Variants in KLB observed in about 807,000 individuals in gnomAD.
KLB encodes the protein beta-klotho.
A neutral mutation model predicts 88.4 loss-of-function variants in KLB; 44 were observed. The ratio of observed to expected loss-of-function variants is 0.50; its 90% CI spans 0.39 to 0.64. The LOEUF (loss-of-function observed/expected upper bound fraction) is 0.64. KLB is among the 30% of genes least tolerant of loss of function. The pLI is 0.00. For synonymous variants in KLB, 548 were observed against 513.4 expected, an observed-to-expected ratio of 1.07 and a Z score of -0.91; for missense variants, 1,137 against 1,304.8, an observed-to-expected ratio of 0.87 and a Z score of 1.98.
chr4:39,445,678 TTTTTTG>T (rs1402192799), intron 3 of KLB, among the ~76,000 whole-genome samples: 3 of 87,854 alleles, frequency 3.4e-5, no homozygotes, highest in African/African-American at 8.8e-5. Flanking sequence ...CTAATCTTGT[TTTTTTG>T]TTTTTTTTTT....
intron 1 of KLB, among the ~76,000 whole-genome samples, chr4:39,426,940 C>T (rs535436867): frequency 6.6e-6 from 1 of 152,268 alleles, no homozygotes; most frequent in South Asian, 2.1e-4. Context: ...CCTCCCACCT[C>T]AGCCTCCCAA....
At chr4:39,419,773 C>CAAAAA (rs35079093) in intron 1 of KLB, among the ~76,000 whole-genome samples, 1 of 71,274 alleles carries the variant, frequency 1.4e-5, no homozygotes, top group Non-Finnish European at 2.7e-5. Flanking sequence ...AATTCCATCT[C>CAAAAA]AAAAAAAAAA....
intron 3 of KLB, among the ~76,000 whole-genome samples, chr4:39,443,158 A>C (rs1560652861): frequency 6.6e-6 from 1 of 152,126 alleles, no homozygotes; most frequent in East Asian, 1.9e-4. Flanking sequence ...CAGGAGGTAA[A>C]TGATGTCAAT....
Position 39,446,905 on chromosome 4 carries a change from G to T in KLB, c.2179G>T (p.Asp727Tyr). 6.2e-7 allele frequency: 1 copy of T among 1,606,406 alleles called. No homozygotes were observed. Among genetic ancestry groups the T allele is most frequent in the South Asian group, 1.1e-5 (1 of 90,860 alleles). Residue 727 changes from aspartate to tyrosine, a missense_variant, in exon 4 of 5, where the codon GAC becomes TAC. Coordinates refer to ENST00000257408, the MANE Select transcript of KLB (RefSeq NM_175737.4). This position sits in a 1 kb window ranked among gnomAD's most constrained non-coding sequence, Gnocchi z 6.4. ...CCACGCCCTGGCCTGGCGCCTCTAC[G>T]ACCGGCAGTTCAGGCCCTCACAGCG... is the stretch of plus-strand genomic sequence containing the variant. ...VAHALAWRLY[D>Y]RQFRPSQRGA...
chr4:39,427,218 C>T (rs541499289), intron 1 of KLB, among the ~76,000 whole-genome samples: 1 of 152,222 alleles, frequency 6.6e-6, no homozygotes, highest in South Asian at 2.1e-4. Context: ...CGCGGTGGTT[C>T]ATGCCTGTAA....
At chr4:39,412,398 C>T (rs746217545) in intron 1 of KLB, among the ~76,000 whole-genome samples, 22 of 152,084 alleles carry the variant, frequency 1.4e-4, no homozygotes, top group Non-Finnish European at 3.1e-4. Context: ...TTAGTGGCCC[C>T]CCCAAGCTTT....
intron 1 of KLB, among the ~76,000 whole-genome samples, chr4:39,417,549 C>T (rs1742991033): frequency 6.6e-6 from 1 of 151,992 alleles, no homozygotes; most frequent in Admixed American, 6.6e-5. Flanking sequence ...CTAACCTCGG[C>T]CTCCCAAAAT....
At chr4:39,409,656 A>C (rs753390893) in intron 1 of KLB, among the ~76,000 whole-genome samples, 3 of 151,536 alleles carry the variant, frequency 2.0e-5, no homozygotes, top group Non-Finnish European at 2.9e-5. Context: ...GGCCGGGCAC[A>C]GTGCCTCATG....
intron 3 of KLB, among the ~76,000 whole-genome samples, chr4:39,443,069 G>T (rs772665867): frequency 6.6e-6 from 1 of 152,116 alleles, no homozygotes; most frequent in Non-Finnish European, 1.5e-5. Flanking sequence ...GATTTCTCTG[G>T]TTGTTCTTCT....
intron 1 of KLB, among the ~76,000 whole-genome samples, chr4:39,421,709 C>A (rs1293976788): frequency 6.6e-6 from 1 of 151,970 alleles, no homozygotes; most frequent in Non-Finnish European, 1.5e-5. Context: ...GAGCAGAGAT[C>A]CTGCCATTGC....
At chr4:39,429,795 C>T (rs554397205) in intron 1 of KLB, among the ~76,000 whole-genome samples, 6 of 152,162 alleles carry the variant, frequency 3.9e-5, no homozygotes, top group African/African-American at 9.7e-5. Context: ...GGCAAACTCA[C>T]GATCTTGGAG....
chr4:39,438,297 T>A (rs1743526511), intron 3 of KLB, among the ~76,000 whole-genome samples: 1 of 152,188 alleles, frequency 6.6e-6, no homozygotes, highest in African/African-American at 2.4e-5. Flanking sequence ...GTTATAATAG[T>A]AATGTCAAAA....
In KLB at chr4:39,446,868, C is replaced by T. The variant is rs1743759497; in HGVS notation, c.2142C>T (p.Asn714=). The change falls in exon 4 of 5, where the codon AAC becomes AAT. Residue 714 remains asparagine, a synonymous_variant. Transcript: ENST00000257408. This position sits in a 1 kb window ranked among gnomAD's most constrained non-coding sequence, Gnocchi z 6.4. ...ACGACACCTACGGGGCGGCGCACAACCTGCTGGTGGCCCACGCCCTGGCCT... is the reference window on the plus strand; with the variant it reads ...ACGACACCTACGGGGCGGCGCACAATCTGCTGGTGGCCCACGCCCTGGCCT... ...SGNDTYGAAH[N]LLVAHALAWR... 1 of 1,610,144 alleles carries T rather than the reference C, an allele frequency of 6.2e-7. No homozygotes were observed. The highest frequency in any genetic ancestry group is 8.5e-7 in the Non-Finnish European group (1 of 1,179,906).
Position 39,434,207 on chromosome 4 carries a change from T to C in KLB, c.826-3T>C. ...AAAGATCAATAATATTTTCTTCTTT[T>C]AGGCTCACTCGAAAGTTTGGCATAA... On this transcript the variant is annotated splice_region_variant and splice_polypyrimidine_tract_variant and intron_variant, in intron 1 of 4. Transcript: ENST00000257408. The C allele has an allele frequency of 6.3e-7, 1 of 1,598,306 alleles. No homozygotes were observed. The highest frequency in any genetic ancestry group is 8.5e-7 in the Non-Finnish European group (1 of 1,171,426).
intron 1 of KLB, among the ~76,000 whole-genome samples, chr4:39,417,407 C>T (rs560438941): frequency 1.3e-3 from 203 of 152,226 alleles, no homozygotes; most frequent in Non-Finnish European, 2.6e-3. Flanking sequence ...CTCAGCCTTC[C>T]AGGTTCAAGC....
At position 39,407,318 on chromosome 4, in the gene KLB, C is replaced by T. The variant is rs1253617489; in HGVS notation, c.369C>T (p.Ser123=). The change falls in exon 1 of 5, where the codon AGC becomes AGT. Residue 123 remains serine, a synonymous_variant. Coordinates refer to ENST00000257408, the MANE Select transcript of KLB (RefSeq NM_175737.4). ...FIHTHLKNVS[S]TNGSSDSYIF... The stretch of plus-strand genomic sequence containing the variant: ...ACACACACCTTAAAAATGTCAGCAG[C>T]ACGAATGGTTCCAGTGACAGTTATA... 6.2e-7 allele frequency: 1 copy of T among 1,613,974 alleles called. No individual in the cohort carries two copies. Among genetic ancestry groups the T allele is most frequent in the Admixed American group, 1.7e-5 (1 of 59,986 alleles).
rs1400113395 is a variant in KLB at position 39,446,722 on chromosome 4, A to T, written c.1996A>T (p.Thr666Ser). The change falls in exon 4 of 5, where the codon ACG becomes TCG. Residue 666 changes from threonine (T) to serine (S), a missense_variant. Transcript: ENST00000257408. This position sits in a 1 kb window ranked among gnomAD's most constrained non-coding sequence, Gnocchi z 6.4. ...LHADGWLNPS[T>S]AEAFQAYAGL... ...TGCCGACGGGTGGCTGAACCCATCGACGGCCGAGGCCTTCCAGGCCTACGC... is the reference window on the plus strand; with the variant it reads ...TGCCGACGGGTGGCTGAACCCATCGTCGGCCGAGGCCTTCCAGGCCTACGC... 1 of 1,606,836 alleles carries T rather than the reference A, an allele frequency of 6.2e-7. No individual in the cohort carries two copies. The highest frequency in any genetic ancestry group is 8.5e-7 in the Non-Finnish European group (1 of 1,175,792).
chr4:39,409,784 C>T (rs2109816812), intron 1 of KLB, among the ~76,000 whole-genome samples: 1 of 151,560 alleles, frequency 6.6e-6, no homozygotes, highest in African/African-American at 2.4e-5. Context: ...ATTAACTGGG[C>T]GTCGTGGCAC....
Position 39,450,975 on chromosome 4 carries a change from T to C in KLB, c.*2289T>C, listed in dbSNP as rs1330554927. 6.6e-6 allele frequency: 1 copy of C among 152,182 alleles called. No homozygotes were observed. The highest frequency in any genetic ancestry group is 1.5e-5 in the Non-Finnish European group (1 of 68,038). 9.4% of individuals were successfully genotyped at this position (152,182 alleles called of 1,614,324 possible). On this transcript the variant is annotated 3_prime_UTR_variant, in exon 5 of 5. Transcript: ENST00000257408. ...GTATCTCGTACTCACAGTTCACAAA[T>C]TAACCTTCACTGTCTCTTTCACATT...
Sources: gnomAD v4.1 joint callset for allele counts (sites outside exome capture counted in the v4.1 genomes callset) on GRCh38, gnomAD v4.1.1 for gene constraint, Gnocchi (gnomAD v3.1) non-coding constraint, MANE v1.5 for transcripts, NCBI Gene and HGNC (gene_info 2026-07-23, HGNC 2026-07-21) for gene names.